The following FER1L6 variants were observed in gnomAD, a reference collection of about 807,000 sequenced individuals.
FER1L6 encodes the protein fer-1-like protein 6.
FER1L6 carries 177 observed loss-of-function variants against 219.2 expected under a neutral mutation model. The ratio of observed to expected loss-of-function variants is 0.81; its 90% CI spans 0.71 to 0.91. The LOEUF (loss-of-function observed/expected upper bound fraction) is 0.91, where lower values mean the gene tolerates loss of function less well. FER1L6 is among the 40% of genes least tolerant of loss of function. FER1L6 has a pLI of 0.00. For missense variants in FER1L6, 2,153 were observed against 2,259.9 expected (o/e 0.95, Z 0.96); for synonymous variants, 768 against 824.3 (o/e 0.93, Z 1.17).
At chr8:123,926,425 C>T (rs1156915411) in intron 1 of FER1L6, among the ~76,000 whole-genome samples, 3 of 152,112 alleles carry the variant, frequency 2.0e-5, no homozygotes, top group African/African-American at 7.2e-5. Context: ...CACAAGGACC[C>T]GAGTGTGCAT....
intron 1 of FER1L6, among the ~76,000 whole-genome samples, chr8:123,896,573 G>A (rs999142442): frequency 2.6e-5 from 4 of 152,116 alleles, no homozygotes; most frequent in African/African-American, 9.7e-5. Flanking sequence ...GAAAGTTCGC[G>A]AGTCTCTCAT....
At chr8:124,092,673 A>C (rs1251645824) in intron 34 of FER1L6, among the ~76,000 whole-genome samples, 1 of 152,156 alleles carries the variant, frequency 6.6e-6, no homozygotes, top group Non-Finnish European at 1.5e-5. Flanking sequence ...GTAATTTATA[A>C]AGAAAAGGTG....
chr8:123,980,752 G>T lies in FER1L6; in HGVS notation c.1351G>T (p.Ala451Ser). 1.9e-6 allele frequency: 3 copies of T among 1,614,136 alleles called. No homozygotes were observed. Among genetic ancestry groups the T allele is most frequent in the Non-Finnish European group, 2.5e-6 (3 of 1,180,026 alleles). ...DKTEDGKSQQASNKTNSTEVE... is the reference protein window; with the variant it reads ...DKTEDGKSQQSSNKTNSTEVE... ...AACTGAAGATGGAAAATCCCAACAG[G>T]CTTCAAACAAAACTAACTCAACCGA... The change falls in exon 11 of 41, where the codon GCT becomes TCT. Residue 451 changes from alanine to serine, a missense_variant. Coordinates refer to ENST00000522917, the MANE Select transcript of FER1L6 (RefSeq NM_001039112.2).
chr8:124,069,316 T>A, intron 28 of FER1L6, 44 bp from the exon 29 acceptor site: 2 of 1,422,704 alleles, frequency 1.4e-6, no homozygotes, highest in Non-Finnish European at 2.0e-6. Context: ...TTCCTTCTCA[T>A]CTCAACCGCC....
intron 3 of FER1L6, among the ~76,000 whole-genome samples, chr8:123,963,855 C>A (rs1815412022): frequency 6.6e-6 from 1 of 152,178 alleles, no homozygotes; most frequent in Non-Finnish European, 1.5e-5. Context: ...AACAAATAGC[C>A]CCCAGATCTG....
chr8:124,071,110 T>A (rs1821049931), intron 30 of FER1L6, among the ~76,000 whole-genome samples: 2 of 152,344 alleles, frequency 1.3e-5, no homozygotes, highest in South Asian at 4.1e-4. Flanking sequence ...ATTAACCAGC[T>A]GCATGATCTG....
chr8:124,108,467 C>T (rs866575049), intron 39 of FER1L6, among the ~76,000 whole-genome samples: 2 of 152,164 alleles, frequency 1.3e-5, no homozygotes, highest in Non-Finnish European at 2.9e-5. Flanking sequence ...CTGTTTTGAC[C>T]ATTCCCTGTT....
At chr8:123,882,446 T>C (rs553329463) in intron 1 of FER1L6, among the ~76,000 whole-genome samples, 40 of 152,276 alleles carry the variant, frequency 2.6e-4, no homozygotes, top group African/African-American at 9.4e-4. Flanking sequence ...GAGGTTTTGA[T>C]TTCTCTTTGG....
At chr8:123,944,423 C>T (rs562416926) in intron 1 of FER1L6, among the ~76,000 whole-genome samples, 125 of 151,690 alleles carry the variant, frequency 8.2e-4, no homozygotes, top group African/African-American at 2.8e-3. Flanking sequence ...CAAGAAGACC[C>T]GGCTCTGCCC....
intron 39 of FER1L6, among the ~76,000 whole-genome samples, chr8:124,104,917 A>T (rs1822702469): frequency 6.6e-6 from 1 of 152,244 alleles, no homozygotes; most frequent in Non-Finnish European, 1.5e-5. Flanking sequence ...GACATGAGTA[A>T]TACAGACAAG....
chr8:123,936,255 A>T (rs1025701843), intron 1 of FER1L6, among the ~76,000 whole-genome samples: 2 of 152,140 alleles, frequency 1.3e-5, no homozygotes, highest in African/African-American at 4.8e-5. Flanking sequence ...CAGAAGATAG[A>T]CCACATTGCT....
rs535474209 is a variant in FER1L6, at chr8:124,034,470, C to T, written c.2287-807C>T. Among the ~76,000 whole-genome samples the T allele has an allele frequency of 6.6e-5, 10 of 152,304 alleles. No homozygotes were observed. In the South Asian group the frequency reaches 1.9e-3, roughly 28 times the overall value. On this transcript the variant is annotated intron_variant, in intron 18 of 40. Coordinates refer to ENST00000522917, the MANE Select transcript of FER1L6 (RefSeq NM_001039112.2). ...ATACATAAGTACATGCACACACAGG[C>T]GTATGTACACACATACATGTGGACA...
intron 39 of FER1L6, among the ~76,000 whole-genome samples, chr8:124,113,537 C>T (rs1823106610): frequency 6.6e-6 from 1 of 152,156 alleles, no homozygotes; most frequent in Admixed American, 6.5e-5. Flanking sequence ...ATTCATGTCT[C>T]CATCTAGAAA....
rs1813354979 is a variant in FER1L6 at position 123,921,286 on chromosome 8, C to G, written c.-7-34706C>G. Among the ~76,000 whole-genome samples, 3 of 152,228 alleles carry G rather than the reference C, an allele frequency of 2.0e-5. No homozygotes were observed. The South Asian group carries it at 6.2e-4, about 32-fold the overall frequency. ...ATTCTGTTTCCTAAAGTGTCTGTACCATTTTACGTTCCTGCCAACATTGTG... is the reference window on the plus strand; with the variant it reads ...ATTCTGTTTCCTAAAGTGTCTGTACGATTTTACGTTCCTGCCAACATTGTG... On this transcript the variant is annotated intron_variant, in intron 1 of 40. Transcript: ENST00000522917.
intron 27 of FER1L6, 107 bp downstream of exon 27, chr8:124,066,657 G>C: frequency 8.1e-7 from 1 of 1,240,610 alleles, no homozygotes; most frequent in Admixed American, 2.3e-5. Context: ...ACTATACATA[G>C]ACCCTACTCA....
chr8:123,920,083 C>T (rs1473083890), intron 1 of FER1L6, among the ~76,000 whole-genome samples: 2 of 152,200 alleles, frequency 1.3e-5, no homozygotes, highest in Non-Finnish European at 2.9e-5. Flanking sequence ...GCATTACACC[C>T]CAAGTTCAAG....
chr8:124,108,924 T>C (rs533422822), intron 39 of FER1L6, among the ~76,000 whole-genome samples: 1 of 151,846 alleles, frequency 6.6e-6, no homozygotes, highest in African/African-American at 2.4e-5. Flanking sequence ...GGGGGAAGAA[T>C]AGAACCTCTA....
At chr8:124,071,884 G>A (rs946404522) in intron 31 of FER1L6, among the ~76,000 whole-genome samples, 14 of 152,116 alleles carry the variant, frequency 9.2e-5, no homozygotes, top group Non-Finnish European at 1.5e-5. Context: ...GGGAGAGTGC[G>A]AGCTCTGATA....
At chr8:123,937,493 C>T (rs570307501) in intron 1 of FER1L6, among the ~76,000 whole-genome samples, 1 of 152,228 alleles carries the variant, frequency 6.6e-6, no homozygotes, top group South Asian at 2.1e-4. Context: ...TCTAGTCCTA[C>T]AGGTTTAGGG....
Sources: allele counts gnomAD v4.1 joint callset (sites outside exome capture counted in the v4.1 genomes callset), GRCh38; gene constraint gnomAD v4.1.1; transcripts MANE v1.5; gene names NCBI Gene and HGNC (gene_info 2026-07-23, HGNC 2026-07-21).